Variants in DRD3 observed in about 807,000 individuals in gnomAD.
DRD3 encodes the protein D(3) dopamine receptor.
Under a neutral mutation model 36.3 loss-of-function variants are expected in DRD3, and 19 were observed. The observed-to-expected ratio is 0.52, with a 90% CI of 0.36 to 0.77. The LOEUF (loss-of-function observed/expected upper bound fraction) is 0.77, where lower values mean the gene tolerates loss of function less well. Among genes scored for constraint, DRD3 ranks in the 30% least tolerant of loss-of-function variants. The pLI, the probability that DRD3 is intolerant of heterozygous loss-of-function variation, is 0.00. For synonymous variants in DRD3, 195 were observed against 203.7 expected (o/e 0.96, Z 0.36); for missense variants, 465 against 505.3 (o/e 0.92, Z 0.77).
intron 2 of DRD3, 141 bp from the exon 3 acceptor site, chr3:114,160,008 T>A: frequency 1.4e-6 from 1 of 707,640 alleles, no homozygotes; most frequent in Non-Finnish European, 2.4e-6. Flanking sequence ...ACAGGGCAGA[T>A]GGACATCAAG....
At chr3:114,198,778 C>T (rs1243622610) in intron 1 of DRD3, among the ~76,000 whole-genome samples, 1 of 151,978 alleles carries the variant, frequency 6.6e-6, no homozygotes, top group Non-Finnish European at 1.5e-5. Context: ...TGCTCTGTTG[C>T]CCAGGTTGGA....
intron 2 of DRD3, among the ~76,000 whole-genome samples, chr3:114,161,435 C>A (rs114563219): frequency 1.3e-5 from 2 of 152,144 alleles, no homozygotes; most frequent in African/African-American, 4.8e-5. Context: ...CCTAAAAGGC[C>A]GTCTTTCCTT....
At position 114,171,899 on chromosome 3, in the gene DRD3, A is replaced by G; in HGVS notation, c.94T>C (p.Tyr32His). ...GASQARPHAY[Y>H]ALSYCALILA... ...ATGAGCGCGCAGTAGGAGAGGGCAT[A>G]GTAGGCATGTGGGCGGGCCTGGCTG... The change falls in exon 2 of 7, where the codon TAT becomes CAT. Residue 32 changes from tyrosine (Y) to histidine (H), a missense_variant. Tyr to His is a moderately conservative substitution (Grantham distance 83). Coordinates refer to ENST00000383673, the MANE Select transcript of DRD3 (RefSeq NM_000796.6). 6.2e-7 allele frequency: 1 copy of G among 1,611,500 alleles called. No homozygotes were observed. Among genetic ancestry groups the G allele is most frequent in the Admixed American group, 1.7e-5 (1 of 59,738 alleles).
chr3:114,167,290 G>T (rs999603085), intron 2 of DRD3, among the ~76,000 whole-genome samples: 8 of 152,126 alleles, frequency 5.3e-5, no homozygotes, highest in African/African-American at 1.9e-4. Flanking sequence ...CCTGATAAAA[G>T]TGTTTTAAAC....
At chr3:114,152,271 C>T (rs2077625200) in intron 3 of DRD3, among the ~76,000 whole-genome samples, 1 of 152,128 alleles carries the variant, frequency 6.6e-6, no homozygotes, top group Admixed American at 6.5e-5. Context: ...GGGATTCTTC[C>T]CCCAAGTCCC....
chr3:114,138,065 A>T (rs1396301775), intron 5 of DRD3, among the ~76,000 whole-genome samples: 1 of 146,002 alleles, frequency 6.8e-6, no homozygotes, highest in Non-Finnish European at 1.5e-5. Context: ...GCTATTCGGG[A>T]GGCAGAGGCA....
intron 2 of DRD3, among the ~76,000 whole-genome samples, chr3:114,160,309 C>T (rs184722538): frequency 9.2e-5 from 14 of 151,996 alleles, no homozygotes; most frequent in Admixed American, 3.3e-4. Flanking sequence ...TGCAATGGTG[C>T]GATCTCGGCT....
chr3:114,166,114 T>A (rs1272408376), intron 2 of DRD3, among the ~76,000 whole-genome samples: 2 of 151,668 alleles, frequency 1.3e-5, no homozygotes, highest in African/African-American at 4.8e-5. Context: ...GCCTCCCAAG[T>A]ATCTGGGATT....
chr3:114,163,030 T>C (rs186827970), intron 2 of DRD3, among the ~76,000 whole-genome samples: 1 of 152,336 alleles, frequency 6.6e-6, no homozygotes, highest in East Asian at 1.9e-4. Context: ...GACAAAGCCC[T>C]CAAGCTGTTC....
chr3:114,156,479 T>C (rs985424174), intron 3 of DRD3, among the ~76,000 whole-genome samples: 2 of 152,140 alleles, frequency 1.3e-5, no homozygotes, highest in African/African-American at 2.4e-5. Context: ...GTTTTTTTTT[T>C]CAAAATTTCC....
At chr3:114,138,575 A>T (rs1356684681) in intron 5 of DRD3, among the ~76,000 whole-genome samples, 1 of 152,192 alleles carries the variant, frequency 6.6e-6, no homozygotes, top group Non-Finnish European at 1.5e-5. Flanking sequence ...GGTCCCTCCC[A>T]TGACACATGG....
rs566217855 is a variant in DRD3, at chr3:114,168,554, A to T, written c.270+3169T>A. On this transcript the variant is annotated intron_variant, in intron 2 of 6. Transcript: ENST00000383673. The stretch of plus-strand genomic sequence containing the variant: ...CTTTAAGCTACTACAGGGAAAGTGC[A>T]TGCTCTCTCTCTCTCTCTCTCTCTC... Among the ~76,000 whole-genome samples, 137 of 151,688 alleles carry T rather than the reference A, an allele frequency of 9.0e-4. 3 individuals are homozygous for T. In the South Asian group the frequency reaches 0.028, roughly 31 times the overall value.
intron 2 of DRD3, among the ~76,000 whole-genome samples, chr3:114,163,498 A>G (rs2077752646): frequency 6.6e-6 from 1 of 152,206 alleles, no homozygotes; most frequent in African/African-American, 2.4e-5. Context: ...CTAAGGACAC[A>G]TAGCTTGTAA....
At chr3:114,179,595 C>T (rs2107896282), upstream of DRD3, among the ~76,000 whole-genome samples, 1 of 152,294 alleles carries the variant, frequency 6.6e-6, no homozygotes, top group Non-Finnish European at 1.5e-5. Flanking sequence ...TGAAAGTCAG[C>T]AGTAGAACAT....
rs375447323 is a variant in DRD3, at chr3:114,175,085, T to A, written c.-35-3058A>T. Among the ~76,000 whole-genome samples the A allele has an allele frequency of 5.1e-4, 77 of 152,236 alleles. No individual in the cohort carries two copies. In the South Asian group the frequency reaches 0.016, roughly 32 times the overall value. The stretch of plus-strand genomic sequence containing the variant: ...GGTTGTCCTGTGCATTGTGGGGGGT[T>A]TAACAGCATCCTTTACATATACCCA... On this transcript the variant is annotated intron_variant, in intron 1 of 6. Transcript: ENST00000383673.
intron 3 of DRD3, among the ~76,000 whole-genome samples, chr3:114,156,991 T>C (rs9759224): frequency 1.3e-5 from 2 of 149,104 alleles, no homozygotes; most frequent in East Asian, 1.9e-4. Flanking sequence ...TTTCTTCCTT[T>C]CTTTCTCTCT....
upstream of DRD3, among the ~76,000 whole-genome samples, chr3:114,179,325 T>G (rs1560002008): frequency 6.6e-6 from 1 of 152,060 alleles, no homozygotes; most frequent in Non-Finnish European, 1.5e-5. Flanking sequence ...TGTAAGCCTG[T>G]CTGGGAAAAG....
At position 114,162,187 on chromosome 3, in the gene DRD3, A is replaced by C. The variant is rs528068015; in HGVS notation, c.271-2320T>G. Reference sequence around the variant, plus strand: ...AAGGCATTCATCAATAAAATACTAGAGATCATCATGATATCCTAATATTGT... The same window carrying C: ...AAGGCATTCATCAATAAAATACTAGCGATCATCATGATATCCTAATATTGT... On this transcript the variant is annotated intron_variant, in intron 2 of 6. Coordinates refer to ENST00000383673, the MANE Select transcript of DRD3 (RefSeq NM_000796.6). Among the ~76,000 whole-genome samples, 20 of 152,360 alleles carry C rather than the reference A, an allele frequency of 1.3e-4. No individual in the cohort carries two copies. In the South Asian group the frequency reaches 3.3e-3, roughly 25 times the overall value.
At chr3:114,163,903 G>C (rs2077756466) in intron 2 of DRD3, among the ~76,000 whole-genome samples, 1 of 152,086 alleles carries the variant, frequency 6.6e-6, no homozygotes, top group Non-Finnish European at 1.5e-5. Flanking sequence ...ATTATGAAAG[G>C]CAAAATGATT....
Sources: gnomAD v4.1 joint callset for allele counts (sites outside exome capture counted in the v4.1 genomes callset) on GRCh38, gnomAD v4.1.1 for gene constraint, MANE v1.5 for transcripts, NCBI Gene and HGNC (gene_info 2026-07-23, HGNC 2026-07-21) for gene names.